The following LARGE1 variants were observed in gnomAD, a reference collection of about 807,000 sequenced individuals.
LARGE1 encodes LARGE xylosyl- and glucuronyltransferase 1, also known as xylosyl- and glucuronyltransferase LARGE1.
LARGE1 carries 43 observed loss-of-function variants against 87.6 expected under a neutral mutation model. The ratio of observed to expected loss-of-function variants is 0.49; its 90% confidence interval spans 0.38 to 0.63. The LOEUF (loss-of-function observed/expected upper bound fraction) is 0.63, where lower values mean the gene tolerates loss of function less well. Among genes scored for constraint, LARGE1 ranks in the 30% least tolerant of loss-of-function variants. The pLI is 0.00. For synonymous variants in LARGE1, 434 were observed against 394.6 expected (o/e 1.10, Z -1.18); for missense variants, 802 against 1,000.2 (o/e 0.80, Z 2.67).
At chr22:33,124,138 T>C in the LARGE1 span, among the ~76,000 whole-genome samples, 2 of 151,936 alleles carry the variant, frequency 1.3e-5, no homozygotes, top group South Asian at 2.1e-4. Flanking sequence ...AATACAAAAA[T>C]TAGCCAGGCA....
At chr22:33,847,415 C>T (rs2063466133) in intron 1 of LARGE1, among the ~76,000 whole-genome samples, 1 of 152,186 alleles carries the variant, frequency 6.6e-6, no homozygotes, top group African/African-American at 2.4e-5. Context: ...ATTCAACTAC[C>T]ATTGTTCTGA....
chr22:33,220,526 C>T (rs1925410265), intron 11 of LARGE1, among the ~76,000 whole-genome samples: 1 of 152,084 alleles, frequency 6.6e-6, no homozygotes, highest in Non-Finnish European at 1.5e-5. Context: ...ATAGATTCTA[C>T]CTCCCTCCTT....
chr22:33,200,077 G>A (rs773715985), intron 11 of LARGE1, among the ~76,000 whole-genome samples: 4 of 152,020 alleles, frequency 2.6e-5, no homozygotes, highest in Admixed American at 6.5e-5. Context: ...TTGAACTCCT[G>A]ACTTCGTGAT....
At chr22:33,729,974 G>A (rs191028746) in intron 2 of LARGE1, among the ~76,000 whole-genome samples, 32 of 152,134 alleles carry the variant, frequency 2.1e-4, no homozygotes, top group Admixed American at 1.4e-3. Context: ...GTGTGTGTGC[G>A]TGTGTGCATG....
At chr22:33,314,934 G>A (rs1044552396) in intron 11 of LARGE1, among the ~76,000 whole-genome samples, 19 of 152,198 alleles carry the variant, frequency 1.2e-4, no homozygotes, top group Admixed American at 1.2e-3. Flanking sequence ...ATTGGGATAG[G>A]TGCAGGGGCT....
chr22:33,184,795 T>A (rs192599694), intron 11 of LARGE1, among the ~76,000 whole-genome samples: 2 of 152,084 alleles, frequency 1.3e-5, no homozygotes, highest in South Asian at 4.1e-4. Flanking sequence ...GATGGCAAAT[T>A]AGCATGTTTA....
intron 2 of LARGE1, among the ~76,000 whole-genome samples, chr22:33,740,621 T>C (rs563586545): frequency 1.3e-5 from 2 of 152,258 alleles, no homozygotes; most frequent in East Asian, 3.9e-4. Flanking sequence ...CGGTATGCAA[T>C]GATCTAAGAG....
upstream of LARGE1, among the ~76,000 whole-genome samples, chr22:33,922,052 C>T (rs1298407268): frequency 1.3e-5 from 2 of 152,062 alleles, no homozygotes; most frequent in South Asian, 2.1e-4. Context: ...TTCTGGGGTC[C>T]CCTTCCCCCC....
At chr22:33,455,780 A>AAAT (rs398036949) in intron 6 of LARGE1, among the ~76,000 whole-genome samples, 1 of 151,022 alleles carries the variant, frequency 6.6e-6, no homozygotes, top group African/African-American at 2.4e-5. Flanking sequence ...AAAAAAAAAA[A>AAAT]TTGCTATTGG....
In LARGE1 at chr22:33,650,505, G is replaced by T; in HGVS notation, c.270C>A (p.Ala90=). 6.2e-7 allele frequency: 1 copy of T among 1,613,356 alleles called. No homozygotes were observed. The highest frequency in any genetic ancestry group is 8.5e-7 in the Non-Finnish European group (1 of 1,180,020). Residue 90 remains alanine (A), a synonymous_variant, in exon 3 of 15, where the codon GCC becomes GCA. Coordinates refer to ENST00000397394, the MANE Select transcript of LARGE1 (RefSeq NM_133642.5). The part of the protein sequence containing the change: ...RRQLSLAQGR[A]PSHRRGNHSK... ...AGTGGTTGCCTCGGCGATGGGATGG[G>T]GCTCGGCCCTGGGCCAGGCTGAGCT...
chr22:33,423,904 G>A (rs2066783072), intron 7 of LARGE1, among the ~76,000 whole-genome samples: 1 of 152,070 alleles, frequency 6.6e-6, no homozygotes, highest in African/African-American at 2.4e-5. Flanking sequence ...AAACTCACTA[G>A]ACCAATATAA....
chr22:33,738,931 G>T lies in LARGE1; in HGVS notation c.106+22440C>A, dbSNP rs9609861. Among the ~76,000 whole-genome samples the T allele has an allele frequency of 5.4e-5, 8 of 148,038 alleles. No homozygotes were observed. The Admixed American group carries it at 5.5e-4, about 10-fold the overall frequency. ...CCCCATGTATGTCCCTATCCCCCCC[G>T]CATTCTTAACAGTGTTCCAGTTTGG... On this transcript the variant is annotated intron_variant, in intron 2 of 14. Coordinates refer to ENST00000397394, the MANE Select transcript of LARGE1 (RefSeq NM_133642.5).
At chr22:33,513,400 T>C (rs117834291) in intron 6 of LARGE1, among the ~76,000 whole-genome samples, 2 of 152,258 alleles carry the variant, frequency 1.3e-5, no homozygotes, top group East Asian at 3.9e-4. Flanking sequence ...CCTTGTGAAA[T>C]CAGTGCATTA....
chr22:33,345,422 C>T (rs1427142420), intron 9 of LARGE1, among the ~76,000 whole-genome samples: 2 of 152,120 alleles, frequency 1.3e-5, no homozygotes, highest in East Asian at 1.9e-4. Flanking sequence ...CTTCTAATAC[C>T]CACCCCTGGG....
chr22:33,075,066 C>A, the LARGE1 span, among the ~76,000 whole-genome samples: 1 of 152,172 alleles, frequency 6.6e-6, no homozygotes, highest in African/African-American at 2.4e-5. Context: ...AAATGCGTAC[C>A]AGTGTTATAG....
intron 2 of LARGE1, among the ~76,000 whole-genome samples, chr22:33,654,023 T>C (rs2076959163): frequency 2.0e-5 from 3 of 152,202 alleles, no homozygotes; most frequent in African/African-American, 7.2e-5. Context: ...GATTGTCTGA[T>C]TGTGGGCTTA....
intron 1 of LARGE1, among the ~76,000 whole-genome samples, chr22:33,782,884 T>TAAAA (rs397952057): frequency 2.4e-5 from 3 of 125,490 alleles, no homozygotes; most frequent in Admixed American, 8.1e-5. Flanking sequence ...AAATCAAGTT[T>TAAAA]AAAAAAAAAA....
At chr22:33,162,241 G>A (rs1922054168) in exon 12 of LARGE1, 1 of 152,242 alleles carries the variant, frequency 6.6e-6, no homozygotes, top group Admixed American at 6.5e-5. Flanking sequence ...ATAAAGAAAA[G>A]AGGTTTAATT....
At chr22:33,142,448 C>T in the LARGE1 span, among the ~76,000 whole-genome samples, 4 of 152,104 alleles carry the variant, frequency 2.6e-5, no homozygotes, top group Non-Finnish European at 4.4e-5. Flanking sequence ...ATCATTTGCT[C>T]CTTAAAACAC....
Sources: allele counts gnomAD v4.1 joint callset (sites outside exome capture counted in the v4.1 genomes callset), GRCh38; gene constraint gnomAD v4.1.1; transcripts MANE v1.5; gene names NCBI Gene and HGNC (gene_info 2026-07-23, HGNC 2026-07-21).